Variants in KCNQ3 observed in about 807,000 individuals in gnomAD.
The protein encoded by KCNQ3 is potassium voltage-gated channel subfamily KQT member 3.
KCNQ3 carries 30 observed loss-of-function variants against 92.5 expected under a neutral mutation model. That is an observed-to-expected ratio of 0.32 (90% CI 0.24 to 0.44). The LOEUF (loss-of-function observed/expected upper bound fraction) is 0.44, where lower values mean the gene tolerates loss of function less well. Among genes scored for constraint, KCNQ3 ranks in the 20% least tolerant of loss-of-function variants. The pLI is 1.00. For synonymous variants in KCNQ3, 450 were observed against 468.8 expected (o/e 0.96, Z 0.52); for missense variants, 913 against 1,140.3 (o/e 0.80, Z 2.87).
chr8:132,185,546 G>A (rs1173336315), intron 2 of KCNQ3, among the ~76,000 whole-genome samples: 1 of 152,230 alleles, frequency 6.6e-6, no homozygotes, highest in Admixed American at 6.5e-5. Flanking sequence ...AGAGTCAGGG[G>A]TACCTTAGCT....
chr8:132,140,005 G>A, intron 11 of KCNQ3, 71 bp downstream of exon 11: 2 of 1,057,984 alleles, frequency 1.9e-6, no homozygotes, highest in Non-Finnish European at 2.8e-6. Context: ...AATTTTATAA[G>A]CCCCTTCCTG....
At position 132,134,447 on chromosome 8, in the gene KCNQ3, A is replaced by G. The variant is rs1586756213; in HGVS notation, c.1701-59T>C. On this transcript the variant is annotated intron_variant, in intron 12 of 14. Coordinates refer to ENST00000388996, the MANE Select transcript of KCNQ3 (RefSeq NM_004519.4). ...CACAGAGCTTTGTTTTGACAGGAAA[A>G]CAAATCATTCTATTCTCTCTAGAAT... The G allele has an allele frequency of 4.2e-6, 5 of 1,200,788 alleles. No individual in the cohort carries two copies. The East Asian group carries it at 9.4e-5, about 23-fold the overall frequency. 74.4% of individuals were successfully genotyped at this position (1,200,788 alleles called of 1,614,324 possible). A position where few individuals can be genotyped will look rare whatever the true frequency, so the allele number is the denominator to read the frequency against.
chr8:132,480,303 C>T lies in KCNQ3; in HGVS notation c.230G>A (p.Gly77Glu). ...LLLEGGGRDEGQRRTPQGIGL... is the reference protein window; with the variant it reads ...LLLEGGGRDEEQRRTPQGIGL... ...GATGCCCTGCGGGGTCCTCCGCTGCCCCTCGTCGCGGCCGCCGCCCTCCAG... is the reference window on the plus strand; with the variant it reads ...GATGCCCTGCGGGGTCCTCCGCTGCTCCTCGTCGCGGCCGCCGCCCTCCAG... The change falls in exon 1 of 15, where the codon GGG becomes GAG. Residue 77 changes from glycine (G) to glutamate (E), a missense_variant. Around this residue, in one of 6 missense-constraint regions of KCNQ3, gnomAD observed 183 missense variants for 167.7 expected, o/e 1.09. Transcript: ENST00000388996. 2 of 1,604,580 alleles carry T rather than the reference C, an allele frequency of 1.2e-6. No individual in the cohort carries two copies. Among genetic ancestry groups the T allele is most frequent in the Non-Finnish European group, 8.5e-7 (1 of 1,175,858 alleles).
Position 132,226,127 on chromosome 8 carries a change from C to T in KCNQ3, c.387-39946G>A, listed in dbSNP as rs540146490. On this transcript the variant is annotated intron_variant, in intron 1 of 14. Coordinates refer to ENST00000388996, the MANE Select transcript of KCNQ3 (RefSeq NM_004519.4). ...TCTACTAAAAATACAAAAAATTAGC[C>T]GGACATGGTGGCAGGCACCTGTAGT... is the stretch of plus-strand genomic sequence containing the variant. 3.9e-5 allele frequency among the ~76,000 whole-genome samples: 6 copies of T among 152,102 alleles called. No individual in the cohort carries two copies. In the East Asian group the frequency reaches 9.7e-4, roughly 25 times the overall value.
intron 1 of KCNQ3, among the ~76,000 whole-genome samples, chr8:132,190,853 A>C (rs1254510431): frequency 2.6e-5 from 4 of 152,256 alleles, no homozygotes; most frequent in Non-Finnish European, 5.9e-5. Context: ...ACTTTTATAC[A>C]GCAGGATAAT....
intron 1 of KCNQ3, among the ~76,000 whole-genome samples, chr8:132,476,925 G>A (rs367943827): frequency 1.3e-5 from 2 of 152,128 alleles, no homozygotes; most frequent in Admixed American, 6.5e-5. Flanking sequence ...TGTGGGAGTC[G>A]CCTGGTGGGA....
chr8:132,290,488 G>A (rs545466520), intron 1 of KCNQ3, among the ~76,000 whole-genome samples: 5 of 152,140 alleles, frequency 3.3e-5, no homozygotes, highest in African/African-American at 4.8e-5. Context: ...TGGTTGCAGC[G>A]TGGAGTTTCA....
chr8:132,433,406 A>G (rs997590491), intron 1 of KCNQ3, among the ~76,000 whole-genome samples: 2 of 152,200 alleles, frequency 1.3e-5, no homozygotes, highest in Admixed American at 6.5e-5. Context: ...TTTCTTTTCA[A>G]TCCAACAAGA....
At chr8:132,158,773 A>C (rs887141244) in intron 9 of KCNQ3, among the ~76,000 whole-genome samples, 1 of 152,212 alleles carries the variant, frequency 6.6e-6, no homozygotes, top group African/African-American at 2.4e-5. Flanking sequence ...TGTGCTTACA[A>C]CTATGCCGGG....
At chr8:132,383,121 C>A (rs547326546) in intron 1 of KCNQ3, among the ~76,000 whole-genome samples, 1 of 152,304 alleles carries the variant, frequency 6.6e-6, no homozygotes, top group African/African-American at 2.4e-5. Context: ...GCCCCACACC[C>A]AAACCATCCC....
At chr8:132,216,731 A>G (rs927739536) in intron 1 of KCNQ3, among the ~76,000 whole-genome samples, 1 of 152,174 alleles carries the variant, frequency 6.6e-6, no homozygotes, top group Non-Finnish European at 1.5e-5. Context: ...TACACACACT[A>G]TCATTTGGTT....
chr8:132,150,330 A>G (rs1250764412), intron 9 of KCNQ3, among the ~76,000 whole-genome samples: 1 of 152,222 alleles, frequency 6.6e-6, no homozygotes, highest in East Asian at 1.9e-4. Flanking sequence ...GGTGGCCTAG[A>G]TTCAATCCTG....
chr8:132,203,517 C>T lies in KCNQ3; in HGVS notation c.387-17336G>A, dbSNP rs189900267. 5.9e-3 allele frequency among the ~76,000 whole-genome samples: 893 copies of T among 152,262 alleles called. 10 individuals are homozygous for T. Among genetic ancestry groups the T allele is most frequent in the African/African-American group, 0.021 (854 of 41,560 alleles). On this transcript the variant is annotated intron_variant, in intron 1 of 14. Transcript: ENST00000388996. ...TATAAAATCTTTACTGGCAGGCAGT[C>T]GTGACTCAGTAAATAGTACTTTCTC... is the stretch of plus-strand genomic sequence containing the variant.
chr8:132,218,484 C>CAATCATAGAAT (rs1814115401), intron 1 of KCNQ3, among the ~76,000 whole-genome samples: 1 of 152,116 alleles, frequency 6.6e-6, no homozygotes, highest in Non-Finnish European at 1.5e-5. Flanking sequence ...TAGACAGAAA[C>CAATCATAGAAT]AATCATAGAA....
chr8:132,342,149 C>T (rs1195404779), intron 1 of KCNQ3, among the ~76,000 whole-genome samples: 2 of 151,994 alleles, frequency 1.3e-5, no homozygotes, highest in African/African-American at 4.8e-5. Flanking sequence ...ATGATGATCT[C>T]TTACCATCTC....
intron 1 of KCNQ3, among the ~76,000 whole-genome samples, chr8:132,450,633 A>G (rs1045366438): frequency 5.9e-5 from 9 of 152,226 alleles, no homozygotes; most frequent in Admixed American, 2.0e-4. Context: ...ATGAAGTGGA[A>G]GGGCTACAGG....
At chr8:132,341,830 CT>C (rs1276017382) in intron 1 of KCNQ3, among the ~76,000 whole-genome samples, 1 of 152,186 alleles carries the variant, frequency 6.6e-6, no homozygotes, top group East Asian at 1.9e-4. Context: ...ATACAAAACT[CT>C]CAGGCATCCA....
At chr8:132,473,761 T>TGGGAAG (rs1167283649) in intron 1 of KCNQ3, among the ~76,000 whole-genome samples, 2 of 152,192 alleles carry the variant, frequency 1.3e-5, no homozygotes. Flanking sequence ...GGCCCAAATT[T>TGGGAAG]ATCTTACCTC....
intron 1 of KCNQ3, among the ~76,000 whole-genome samples, chr8:132,417,132 A>G (rs1820836697): frequency 6.6e-6 from 1 of 152,230 alleles, no homozygotes; most frequent in Non-Finnish European, 1.5e-5. Flanking sequence ...ACACTCATGC[A>G]AACATTGAAA....
Sources: allele counts gnomAD v4.1 joint callset (sites outside exome capture counted in the v4.1 genomes callset), GRCh38; gene constraint gnomAD v4.1.1; regional missense constraint gnomAD v4.1.1; transcripts MANE v1.5; gene names NCBI Gene and HGNC (gene_info 2026-07-23, HGNC 2026-07-21).